The following TNFRSF8 variants were observed in gnomAD, a reference collection of about 807,000 sequenced individuals.
The protein encoded by TNFRSF8 is tumor necrosis factor receptor superfamily member 8.
In TNFRSF8, 26 loss-of-function variants were observed where a neutral mutation model predicts 70.8. The observed-to-expected ratio is 0.37, with a 90% CI of 0.27 to 0.51. TNFRSF8 has a LOEUF of 0.51. Among genes scored for constraint, TNFRSF8 ranks in the 20% least tolerant of loss-of-function variants. The pLI, the probability that TNFRSF8 is intolerant of heterozygous loss-of-function variation, is 0.94. For synonymous variants in TNFRSF8, 356 were observed against 339.2 expected (o/e 1.05, Z -0.54); for missense variants, 720 against 807.9 (o/e 0.89, Z 1.32).
intron 7 of TNFRSF8, among the ~76,000 whole-genome samples, chr1:12,114,723 T>TC (rs1641697403): frequency 8.3e-6 from 1 of 121,126 alleles, no homozygotes; most frequent in Non-Finnish European, 1.6e-5. Context: ...TTTTTTTTTT[T>TC]AAATAGACAG....
intron 10 of TNFRSF8, 73 bp from the exon 11 acceptor site, chr1:12,125,877 GA>G: frequency 8.6e-7 from 1 of 1,165,956 alleles, no homozygotes; most frequent in Non-Finnish European, 1.3e-6. Context: ...GGAGAAGGAG[GA>G]AGTCGTCTGG....
chr1:12,088,604 A>C lies in TNFRSF8; in HGVS notation c.151+4053A>C, dbSNP rs115180256. ...TGGACTACCCTCTCTTTGTGTGCAG[A>C]CTCGCTCCCCACAGGAAGGGGTCTC... On this transcript the variant is annotated intron_variant, in intron 2 of 14. Transcript: ENST00000263932. This position sits in a 1 kb window ranked among gnomAD's most constrained non-coding sequence, Gnocchi z 4.0. Among the ~76,000 whole-genome samples, 1,901 of 152,074 alleles carry C rather than the reference A, an allele frequency of 0.013. 41 individuals carry two copies. The highest frequency in any genetic ancestry group is 0.044 in the African/African-American group (1,816 of 41,470).
At chr1:12,123,087 C>T (rs1296938329) in intron 8 of TNFRSF8, among the ~76,000 whole-genome samples, 197 bp from the exon 9 acceptor site, 2 of 152,192 alleles carry the variant, frequency 1.3e-5, no homozygotes, top group Admixed American at 6.5e-5. Flanking sequence ...CCTCAGCCTC[C>T]CAAAATGCTG....
rs1642278907 is a variant in TNFRSF8 at position 12,142,703 on chromosome 1, C to A, written c.*172C>A. ...GGGGTCTGGTGGTCTCTGCTTGCAT[C>A]CCCAACTTAGCTGTCCCCTGACCCA... On this transcript the variant is annotated 3_prime_UTR_variant, in exon 15 of 15. Transcript: ENST00000263932. The surrounding 1 kb of genome is among the most constrained non-coding windows in gnomAD (Gnocchi z 5.0). 1 of 878,666 alleles carries A rather than the reference C, an allele frequency of 1.1e-6. No individual in the cohort carries two copies. The highest frequency in any genetic ancestry group is 1.7e-6 in the Non-Finnish European group (1 of 593,080). The allele number at this position is 878,666 out of a possible 1,614,324, so 54.4% of individuals were successfully genotyped here.
chr1:12,069,098 C>G (rs1640791553), intron 1 of TNFRSF8, among the ~76,000 whole-genome samples: 2 of 149,230 alleles, frequency 1.3e-5, no homozygotes, highest in African/African-American at 5.0e-5. Context: ...GTCTCTAACT[C>G]CTGACCTCGT....
At chr1:12,081,931 G>A (rs942537771) in intron 1 of TNFRSF8, among the ~76,000 whole-genome samples, 2 of 152,042 alleles carry the variant, frequency 1.3e-5, no homozygotes, top group Non-Finnish European at 2.9e-5. Context: ...AATGCTACAA[G>A]GCTTCCTCCC....
intron 1 of TNFRSF8, chr1:12,080,404 G>T (rs1569993170): frequency 1.9e-6 from 1 of 526,246 alleles, no homozygotes; most frequent in Middle Eastern, 6.1e-4. Context: ...TCTGGTACTT[G>T]TTGGCTTTAA....
At chr1:12,091,984 G>C (rs920369079) in intron 2 of TNFRSF8, among the ~76,000 whole-genome samples, 10 of 152,180 alleles carry the variant, frequency 6.6e-5, no homozygotes, top group Non-Finnish European at 1.5e-4. Flanking sequence ...GGTAATGCTC[G>C]CTCACCGTCA....
chr1:12,087,999 C>T (rs1286369219), intron 2 of TNFRSF8, among the ~76,000 whole-genome samples: 1 of 152,050 alleles, frequency 6.6e-6, no homozygotes, highest in Admixed American at 6.6e-5. Flanking sequence ...CACAAAAACC[C>T]CTTCTTTGAT....
Position 12,142,784 on chromosome 1 carries a change from C to T in TNFRSF8, c.*253C>T, listed in dbSNP as rs1318811933. 2.1e-6 allele frequency: 1 copy of T among 481,034 alleles called. No individual in the cohort carries two copies. Among genetic ancestry groups the T allele is most frequent in the Non-Finnish European group, 3.7e-6 (1 of 271,334 alleles). The allele number at this position is 481,034 out of a possible 1,614,324, so 29.8% of individuals were successfully genotyped here. ...GAGACAGTCCAAGGGGACTGGATCC[C>T]AGCAGTGATGTTGGTTGAGGCAGCA... On this transcript the variant is annotated 3_prime_UTR_variant, in exon 15 of 15. Coordinates refer to ENST00000263932, the MANE Select transcript of TNFRSF8 (RefSeq NM_001243.5). The surrounding 1 kb of genome is among the most constrained non-coding windows in gnomAD (Gnocchi z 5.0).
intron 3 of TNFRSF8, among the ~76,000 whole-genome samples, chr1:12,103,577 C>G (rs1641462675): frequency 6.6e-6 from 1 of 152,122 alleles, no homozygotes; most frequent in Admixed American, 6.5e-5. Flanking sequence ...TCAAGCGATC[C>G]TCCCGCCTCA....
At chr1:12,092,570 T>G (rs1234417775) in intron 2 of TNFRSF8, among the ~76,000 whole-genome samples, 5 of 150,726 alleles carry the variant, frequency 3.3e-5, no homozygotes, top group Non-Finnish European at 5.9e-5. Context: ...TGCAGTGGCG[T>G]GATCTCTGCT....
At chr1:12,079,623 G>A (rs543560637) in intron 1 of TNFRSF8, among the ~76,000 whole-genome samples, 1 of 152,328 alleles carries the variant, frequency 6.6e-6, no homozygotes, top group South Asian at 2.1e-4. Flanking sequence ...GTAAGGGGAA[G>A]GGGGTGCCCC....
rs181375236 is a variant in TNFRSF8 at position 12,129,781 on chromosome 1, A to G, written c.1309+3545A>G. On this transcript the variant is annotated intron_variant, in intron 12 of 14. Coordinates refer to ENST00000263932, the MANE Select transcript of TNFRSF8 (RefSeq NM_001243.5). The stretch of plus-strand genomic sequence containing the variant: ...GTACTTTGAGCGCTCGACGGAGGTG[A>G]TGTCCTGCCGGGCCTCTCCACTGTG... Among the ~76,000 whole-genome samples, 141 of 152,172 alleles carry G rather than the reference A, an allele frequency of 9.3e-4. 1 individual carries two copies. The highest frequency in any genetic ancestry group is 3.4e-3 in the Middle Eastern group (1 of 294).
chr1:12,130,991 CTG>C (rs1193615741), intron 12 of TNFRSF8, among the ~76,000 whole-genome samples: 4 of 152,214 alleles, frequency 2.6e-5, no homozygotes, highest in African/African-American at 9.6e-5. Context: ...CTTTTTACCT[CTG>C]TGATTTTACA....
intron 12 of TNFRSF8, among the ~76,000 whole-genome samples, chr1:12,126,781 C>T (rs551184081): frequency 1.2e-4 from 18 of 152,354 alleles, no homozygotes; most frequent in African/African-American, 4.3e-4. Flanking sequence ...GTTTCCTCAT[C>T]CGGAAAATGC....
chr1:12,097,327 C>A, intron 3 of TNFRSF8, 110 bp downstream of exon 3: 1 of 743,502 alleles, frequency 1.3e-6, no homozygotes, highest in Non-Finnish European at 2.3e-6. Context: ...GATGTCTGTT[C>A]TCTGAATTGT....
In TNFRSF8 at chr1:12,090,581, C is replaced by T. The variant is rs146084937; in HGVS notation, c.151+6030C>T. ...CTATGCACTCACTCATCCATCCATC[C>T]ACCCACCCACCCACTCATCCATTTA... On this transcript the variant is annotated intron_variant, in intron 2 of 14. Coordinates refer to ENST00000263932, the MANE Select transcript of TNFRSF8 (RefSeq NM_001243.5). Among the ~76,000 whole-genome samples the T allele has an allele frequency of 3.7e-4, 56 of 151,944 alleles. 1 individual carries two copies. In the East Asian group the frequency reaches 9.9e-3, roughly 27 times the overall value.
At chr1:12,104,273 A>C in intron 3 of TNFRSF8, 106 bp from the exon 4 acceptor site, 1 of 1,242,002 alleles carries the variant, frequency 8.1e-7, no homozygotes, top group Non-Finnish European at 1.2e-6. Context: ...TGGGAGGCGG[A>C]GGCTGCGTTG....
Sources: allele counts gnomAD v4.1 joint callset (sites outside exome capture counted in the v4.1 genomes callset), GRCh38; gene constraint gnomAD v4.1.1; non-coding constraint Gnocchi (gnomAD v3.1); transcripts MANE v1.5; gene names NCBI Gene and HGNC (gene_info 2026-07-23, HGNC 2026-07-21).